Variants in CNGB1 observed in about 807,000 individuals in gnomAD.
CNGB1 encodes the protein cyclic nucleotide-gated channel beta-1.
Under a neutral mutation model 151.7 loss-of-function variants are expected in CNGB1, and 126 were observed. The observed-to-expected ratio is 0.83, with a 90% CI of 0.72 to 0.96. CNGB1 has a LOEUF of 0.96. CNGB1 is among the 40% of genes least tolerant of loss of function. The probability of loss-of-function intolerance (pLI) is 0.00; values close to 1 mark genes in which losing one functional copy is unlikely to be tolerated. For synonymous variants in CNGB1, 623 were observed against 635.1 expected (o/e 0.98, Z 0.29); for missense variants, 1,698 against 1,627.0 (o/e 1.04, Z -0.75).
At chr16:57,894,469 C>T (rs1960171232) in intron 31 of CNGB1, among the ~76,000 whole-genome samples, 1 of 152,122 alleles carries the variant, frequency 6.6e-6, no homozygotes, top group Non-Finnish European at 1.5e-5. Flanking sequence ...GGAATGGTGG[C>T]AGATGCCTGT....
In CNGB1 at chr16:57,884,123, A is replaced by G. The variant is rs775914460; in HGVS notation, c.*41T>C. On this transcript the variant is annotated 3_prime_UTR_variant, in exon 33 of 33. Coordinates refer to ENST00000251102, the MANE Select transcript of CNGB1 (RefSeq NM_001297.5). The stretch of plus-strand genomic sequence containing the variant: ...CAGGGGCGCAGCGGGCGCTGGGGAC[A>G]CACCTGCTGGAACTGCGCGCGGGAT... 1.2e-6 allele frequency: 2 copies of G among 1,613,228 alleles called. No individual in the cohort carries two copies. Among genetic ancestry groups the G allele is most frequent in the South Asian group, 2.2e-5 (2 of 91,070 alleles).
At chr16:57,913,750 G>A (rs1179532017) in intron 23 of CNGB1, among the ~76,000 whole-genome samples, 1 of 152,164 alleles carries the variant, frequency 6.6e-6, no homozygotes, top group Non-Finnish European at 1.5e-5. Context: ...TAAAGTGCTG[G>A]TATTACAAGC....
chr16:57,910,108 G>T (rs1960668659), intron 25 of CNGB1, among the ~76,000 whole-genome samples: 1 of 152,114 alleles, frequency 6.6e-6, no homozygotes, highest in African/African-American at 2.4e-5. Context: ...CTTGGCCAAG[G>T]GCTTTCCCGA....
At chr16:57,945,633 T>C (rs1185514576) in intron 14 of CNGB1, among the ~76,000 whole-genome samples, 1 of 152,262 alleles carries the variant, frequency 6.6e-6, no homozygotes, top group Non-Finnish European at 1.5e-5. Context: ...TTCTGGATTC[T>C]TCATCACTAA....
rs566299512 is a variant in CNGB1 at position 57,931,419 on chromosome 16, C to T, written c.1535+297G>A. 5.9e-5 allele frequency among the ~76,000 whole-genome samples: 9 copies of T among 152,252 alleles called. No individual in the cohort carries two copies. In the South Asian group the frequency reaches 8.3e-4, roughly 14 times the overall value. On this transcript the variant is annotated intron_variant, in intron 17 of 32. Coordinates refer to ENST00000251102, the MANE Select transcript of CNGB1 (RefSeq NM_001297.5). ...ATCCACCCACCTCAGCCTCGCAAAGCGCTGGCATTACAGGCAGTAGCCACC... is the reference window on the plus strand; with the variant it reads ...ATCCACCCACCTCAGCCTCGCAAAGTGCTGGCATTACAGGCAGTAGCCACC...
chr16:57,949,684 A>T (rs1567392196), intron 13 of CNGB1, among the ~76,000 whole-genome samples: 1 of 152,124 alleles, frequency 6.6e-6, no homozygotes, highest in Non-Finnish European at 1.5e-5. Context: ...TCAGCCTCTG[A>T]TCCTCTCTGG....
chr16:57,912,872 T>C, intron 24 of CNGB1, 58 bp downstream of exon 24: 1 of 1,539,728 alleles, frequency 6.5e-7, no homozygotes, highest in Non-Finnish European at 9.0e-7. Flanking sequence ...TTGCGTGTGT[T>C]GTGTGTTTGT....
chr16:57,916,283 A>G (rs1960867197), intron 21 of CNGB1, 104 bp from the exon 22 acceptor site: 6 of 1,110,132 alleles, frequency 5.4e-6, no homozygotes, highest in Non-Finnish European at 4.1e-6. Context: ...TGAAACGAGC[A>G]TAACAGCCCA....
intron 18 of CNGB1, 70 bp downstream of exon 18, chr16:57,923,203 C>T: frequency 8.2e-7 from 1 of 1,218,262 alleles, no homozygotes; most frequent in Non-Finnish European, 1.2e-6. Context: ...AAAGCATCCA[C>T]ACTAGCCCCC....
intron 12 of CNGB1, among the ~76,000 whole-genome samples, chr16:57,954,452 A>T (rs1962034781): frequency 6.6e-6 from 1 of 152,166 alleles, no homozygotes. Flanking sequence ...CCTGATTTTT[A>T]AATGTTGGCA....
chr16:57,962,095 C>T (rs574409101), intron 7 of CNGB1, among the ~76,000 whole-genome samples: 1 of 152,200 alleles, frequency 6.6e-6, no homozygotes, highest in East Asian at 1.9e-4. Context: ...CTTCTCGGAG[C>T]TCCCTGGCTC....
intron 17 of CNGB1, among the ~76,000 whole-genome samples, chr16:57,925,286 A>T (rs1961153810): frequency 6.6e-6 from 1 of 152,080 alleles, no homozygotes; most frequent in African/African-American, 2.4e-5. Flanking sequence ...AACAGGCATG[A>T]GCCACCACGC....
chr16:57,964,607 A>T, intron 2 of CNGB1, 63 bp from the exon 3 acceptor site: 2 of 1,536,578 alleles, frequency 1.3e-6, no homozygotes, highest in Non-Finnish European at 1.8e-6. Flanking sequence ...GGACAGGGGC[A>T]GCCTGATTCT....
At chr16:57,947,632 C>T (rs556111646) in intron 14 of CNGB1, among the ~76,000 whole-genome samples, 57 of 152,314 alleles carry the variant, frequency 3.7e-4, no homozygotes, top group South Asian at 3.3e-3. Context: ...CAAGTAGAGG[C>T]TGTGTGGCCT....
chr16:57,968,186 T>TA (rs1962447818), intron 1 of CNGB1, among the ~76,000 whole-genome samples: 1 of 152,088 alleles, frequency 6.6e-6, no homozygotes, highest in South Asian at 2.1e-4. Flanking sequence ...ATTGTGAGGA[T>TA]AAAATGAATT....
chr16:57,957,909 G>A (rs973903823), intron 11 of CNGB1, among the ~76,000 whole-genome samples: 2 of 152,094 alleles, frequency 1.3e-5, no homozygotes, highest in African/African-American at 4.8e-5. Flanking sequence ...CTATAAAGAC[G>A]TCCAATTGCA....
intron 12 of CNGB1, among the ~76,000 whole-genome samples, chr16:57,956,060 C>T (rs1962076627): frequency 6.6e-6 from 1 of 152,234 alleles, no homozygotes; most frequent in African/African-American, 2.4e-5. Context: ...ATGCTCCAGG[C>T]ATTGCAGGGA....
intron 21 of CNGB1, 53 bp from the exon 22 acceptor site, chr16:57,916,232 C>A: frequency 6.5e-7 from 1 of 1,548,240 alleles, no homozygotes; most frequent in Non-Finnish European, 8.9e-7. Flanking sequence ...TAATCTCTGA[C>A]CCTGTGGAGC....
Position 57,956,959 on chromosome 16 carries a change from C to A in CNGB1, c.874+382G>T, listed in dbSNP as rs553191747. The stretch of plus-strand genomic sequence containing the variant: ...GTGGAGCCTGGTTCTCCCAGTGAGA[C>A]CCCACCCCTCTCCCTTCAGCTTGGC... On this transcript the variant is annotated intron_variant, in intron 12 of 32. Coordinates refer to ENST00000251102, the MANE Select transcript of CNGB1 (RefSeq NM_001297.5). Among the ~76,000 whole-genome samples, 143 of 152,300 alleles carry A rather than the reference C, an allele frequency of 9.4e-4. 3 individuals carry two copies. Among genetic ancestry groups the A allele is most frequent in the Non-Finnish European group, 1.7e-3 (114 of 68,022 alleles).
Sources: gnomAD v4.1 joint callset for allele counts (sites outside exome capture counted in the v4.1 genomes callset) on GRCh38, gnomAD v4.1.1 for gene constraint, MANE v1.5 for transcripts, NCBI Gene and HGNC (gene_info 2026-07-23, HGNC 2026-07-21) for gene names.